The following GPRIN3 variants were observed in gnomAD, a reference collection of about 807,000 sequenced individuals.
GPRIN3 encodes GPRIN family member 3, also known as G protein-regulated inducer of neurite outgrowth 3.
A neutral mutation model predicts 13.7 loss-of-function variants in GPRIN3; 12 were observed. That is an observed-to-expected ratio of 0.87 (90% CI 0.56 to 1.42). The LOEUF (loss-of-function observed/expected upper bound fraction) is 1.42, where lower values mean the gene tolerates loss of function less well. Among genes scored for constraint, GPRIN3 ranks in the 40% most tolerant of loss-of-function variants. The probability of loss-of-function intolerance (pLI) is 0.00; values close to 1 mark genes in which losing one functional copy is unlikely to be tolerated. For synonymous variants in GPRIN3, 377 were observed against 372.7 expected (o/e 1.01, Z -0.13); for missense variants, 1,009 against 958.7 (o/e 1.05, Z -0.69).
At chr4:89,269,690 C>A (rs1279652768) in intron 1 of GPRIN3, among the ~76,000 whole-genome samples, 1 of 152,100 alleles carries the variant, frequency 6.6e-6, no homozygotes, top group Non-Finnish European at 1.5e-5. Context: ...GTCTTCAAAC[C>A]TACTCAACTG....
At position 89,299,946 on chromosome 4, in the gene GPRIN3, T is replaced by G. The variant is rs76060209; in HGVS notation, c.-124+7669A>C. Among the ~76,000 whole-genome samples the G allele has an allele frequency of 2.9e-3, 438 of 152,220 alleles. 5 individuals carry two copies. Among genetic ancestry groups the G allele is most frequent in the African/African-American group, 0.01 (419 of 41,506 alleles). On this transcript the variant is annotated intron_variant, in intron 1 of 1. Coordinates refer to ENST00000609438, the MANE Select transcript of GPRIN3 (RefSeq NM_198281.3). ...GTCTTTAAGGTAAAGAAAAAATAAA[T>G]TACATTATTGTTAAAACTGCTAATA...
rs1052643598 is a variant in GPRIN3 at position 89,246,742 on chromosome 4, A to T, written c.*1038T>A. 4.6e-5 allele frequency: 7 copies of T among 152,084 alleles called. No individual in the cohort carries two copies. Among genetic ancestry groups the T allele is most frequent in the East Asian group, 3.8e-4 (2 of 5,198 alleles). 9.4% of individuals were successfully genotyped at this position (152,084 alleles called of 1,614,324 possible). On this transcript the variant is annotated 3_prime_UTR_variant, in exon 2 of 2. Coordinates refer to ENST00000609438, the MANE Select transcript of GPRIN3 (RefSeq NM_198281.3). Reference sequence around the variant, plus strand: ...TTACTGGAAGTTACTGAACCCAATTAAAAAAAATCACTAATTGCATCCTGT... The same window carrying T: ...TTACTGGAAGTTACTGAACCCAATTTAAAAAAATCACTAATTGCATCCTGT...
At chr4:89,303,666 G>T (rs931903165) in intron 1 of GPRIN3, among the ~76,000 whole-genome samples, 4 of 151,786 alleles carry the variant, frequency 2.6e-5, no homozygotes, top group South Asian at 2.1e-4. Flanking sequence ...AGGATACAAA[G>T]TAGTAGATAT....
intron 1 of GPRIN3, among the ~76,000 whole-genome samples, chr4:89,261,547 G>T (rs72872520): frequency 0.051 from 7,750 of 152,178 alleles, 634 homozygotes; most frequent in African/African-American, 0.17. Flanking sequence ...ATGCAAGTTA[G>T]TATAATTCCT....
intron 1 of GPRIN3, among the ~76,000 whole-genome samples, chr4:89,293,302 T>C (rs948243577): frequency 1.3e-5 from 2 of 152,248 alleles, no homozygotes; most frequent in Non-Finnish European, 2.9e-5. Context: ...TTAGATCTGA[T>C]GGAAACTCAT....
At position 89,249,504 on chromosome 4, in the gene GPRIN3, C is replaced by T. The variant is rs1723250869; in HGVS notation, c.607G>A (p.Val203Met). ...ETIQGTVQTP[V>M]TAARVVSHSS... ...TGACTGACCACCCTGGCTGCTGTCA[C>T]TGGAGTCTGCACTGTTCCCTGGATT... is the stretch of plus-strand genomic sequence containing the variant. The change falls in exon 2 of 2, where the codon GTG becomes ATG. Residue 203 changes from valine (V) to methionine (M), a missense_variant. Transcript: ENST00000609438. 2 of 1,614,058 alleles carry T rather than the reference C, an allele frequency of 1.2e-6. No individual in the cohort carries two copies. Among genetic ancestry groups the T allele is most frequent in the South Asian group, 2.2e-5 (2 of 91,094 alleles).
At chr4:89,301,905 A>G (rs1477810085) in intron 1 of GPRIN3, among the ~76,000 whole-genome samples, 1 of 152,206 alleles carries the variant, frequency 6.6e-6, no homozygotes, top group African/African-American at 2.4e-5. Context: ...TCCAGCCTCC[A>G]GAATTTTTTT....
intron 1 of GPRIN3, among the ~76,000 whole-genome samples, chr4:89,302,530 G>C (rs1724927146): frequency 6.6e-6 from 1 of 151,890 alleles, no homozygotes. Flanking sequence ...ATAATAATTG[G>C]GGCCCCAGAT....
chr4:89,271,968 G>C (rs1235866075), intron 1 of GPRIN3, among the ~76,000 whole-genome samples: 1 of 152,130 alleles, frequency 6.6e-6, no homozygotes, highest in Non-Finnish European at 1.5e-5. Flanking sequence ...TTTTGTAAAA[G>C]AGACCCCGGA....
Position 89,241,658 on chromosome 4 carries a change from A to G in GPRIN3, c.*6122T>C, listed in dbSNP as rs1343757119. On this transcript the variant is annotated 3_prime_UTR_variant, in exon 2 of 2. Transcript: ENST00000609438. ...TGGGGAGTATGACTATAATACTGCAATCTCCTGATATACCAGCATCATTTT... is the reference window on the plus strand; with the variant it reads ...TGGGGAGTATGACTATAATACTGCAGTCTCCTGATATACCAGCATCATTTT... 1.3e-5 allele frequency: 2 copies of G among 152,144 alleles called. No homozygotes were observed. Among genetic ancestry groups the G allele is most frequent in the African/African-American group, 4.8e-5 (2 of 41,430 alleles). 9.4% of individuals were successfully genotyped at this position (152,144 alleles called of 1,614,324 possible).
chr4:89,285,087 T>A (rs763182017), intron 1 of GPRIN3, among the ~76,000 whole-genome samples: 3 of 151,982 alleles, frequency 2.0e-5, no homozygotes, highest in African/African-American at 7.3e-5. Flanking sequence ...CAGACAGCTT[T>A]GACTCCCTAT....
At chr4:89,270,600 TAAAATATAG>T (rs1723922217) in intron 1 of GPRIN3, among the ~76,000 whole-genome samples, 12 of 120,524 alleles carry the variant, frequency 1.0e-4, no homozygotes, top group South Asian at 2.7e-4. Flanking sequence ...TATATATATA[TAAAATATAG>T]ATATATATGC....
In GPRIN3 at chr4:89,268,955, T is replaced by A. The variant is rs570239934; in HGVS notation, c.-123-18722A>T. 1.4e-4 allele frequency among the ~76,000 whole-genome samples: 22 copies of A among 152,302 alleles called. No homozygotes were observed. The South Asian group carries it at 4.6e-3, about 32-fold the overall frequency. On this transcript the variant is annotated intron_variant, in intron 1 of 1. Coordinates refer to ENST00000609438, the MANE Select transcript of GPRIN3 (RefSeq NM_198281.3). ...AGTGAAGTATTACATAACCCTTGAA[T>A]GACTGTTAAGATAAACTTTAAGAAT...
In GPRIN3 at chr4:89,249,832, T is replaced by C; in HGVS notation, c.279A>G (p.Thr93=). ...VFNEVQKAPA[T]FNSPGNPQLP... ...GCTGGGGATTGCCGGGAGAGTTGAATGTGGCAGGTGCTTTCTGCACTTCAT... is the reference window on the plus strand; with the variant it reads ...GCTGGGGATTGCCGGGAGAGTTGAACGTGGCAGGTGCTTTCTGCACTTCAT... The change falls in exon 2 of 2, where the codon ACA becomes ACG. Residue 93 remains threonine, a synonymous_variant. Coordinates refer to ENST00000609438, the MANE Select transcript of GPRIN3 (RefSeq NM_198281.3). The C allele has an allele frequency of 1.2e-6, 2 of 1,614,186 alleles. No individual in the cohort carries two copies. The highest frequency in any genetic ancestry group is 2.2e-5 in the South Asian group (2 of 91,078).
chr4:89,248,261 G>T lies in GPRIN3; in HGVS notation c.1850C>A (p.Pro617Gln). 1 of 1,614,176 alleles carries T rather than the reference G, an allele frequency of 6.2e-7. No homozygotes were observed. Among genetic ancestry groups the T allele is most frequent in the African/African-American group, 1.3e-5 (1 of 75,032 alleles). ...AGATGGGGTCTTCTTGCCAGAACCT[G>T]GGCTGGAGTCACCCATGGGATCAGA... is the stretch of plus-strand genomic sequence containing the variant. ...LPSDPMGDSS[P>Q]GSGKKTPSRS... Residue 617 changes from proline to glutamine, a missense_variant, in exon 2 of 2, where the codon CCA becomes CAA. Physicochemically the swap from Pro to Gln is moderately conservative, Grantham distance 76. Transcript: ENST00000609438.
chr4:89,254,846 T>C (rs1362472362), intron 1 of GPRIN3, among the ~76,000 whole-genome samples: 2 of 152,202 alleles, frequency 1.3e-5, no homozygotes, highest in Admixed American at 6.5e-5. Context: ...TTCCTTCCCT[T>C]TCTTTTCCTT....
At chr4:89,264,027 T>C (rs769779394) in intron 1 of GPRIN3, among the ~76,000 whole-genome samples, 9 of 152,236 alleles carry the variant, frequency 5.9e-5, no homozygotes, top group Non-Finnish European at 1.2e-4. Flanking sequence ...ATTTCTCTTC[T>C]TCTATATCAG....
At chr4:89,294,278 G>A (rs1724670784) in intron 1 of GPRIN3, among the ~76,000 whole-genome samples, 1 of 152,148 alleles carries the variant, frequency 6.6e-6, no homozygotes, top group South Asian at 2.1e-4. Flanking sequence ...TGGGCATGGT[G>A]GCTCACATTT....
At chr4:89,286,852 C>T (rs1176596577) in intron 1 of GPRIN3, among the ~76,000 whole-genome samples, 6 of 152,082 alleles carry the variant, frequency 3.9e-5, no homozygotes, top group African/African-American at 1.4e-4. Context: ...CCAGCTGGAC[C>T]CAGTGGTATG....
Sources: allele counts gnomAD v4.1 joint callset (sites outside exome capture counted in the v4.1 genomes callset), GRCh38; gene constraint gnomAD v4.1.1; transcripts MANE v1.5; gene names NCBI Gene and HGNC (gene_info 2026-07-23, HGNC 2026-07-21).